The following KLK1 variants were observed in gnomAD, a reference collection of about 807,000 sequenced individuals.
KLK1 encodes kallikrein-1.
In KLK1, 22 loss-of-function variants were observed where a neutral mutation model predicts 23.3. The ratio of observed to expected loss-of-function variants is 0.95; its 90% CI spans 0.68 to 1.35. The LOEUF (loss-of-function observed/expected upper bound fraction) is 1.35. KLK1 is among the 40% of genes most tolerant of loss of function. The pLI is 0.00. For synonymous variants in KLK1, 140 were observed against 135.8 expected, an observed-to-expected ratio of 1.03 and a Z score of -0.21; for missense variants, 301 against 338.9, an observed-to-expected ratio of 0.89 and a Z score of 0.88.
Position 50,819,951 on chromosome 19 carries a change from G to T in KLK1, c.581C>A (p.Thr194Lys). 1 of 1,614,118 alleles carries T rather than the reference G, an allele frequency of 6.2e-7. No homozygotes were observed. The highest frequency in any genetic ancestry group is 8.5e-7 in the Non-Finnish European group (1 of 1,179,948). ...GTGTCCGACACACAGCATGAAGTCT[G>T]TCACCTTCTGGACGTGGGCTTTTTT... ...ECKKAHVQKV[T>K]DFMLCVGHLE... Residue 194 changes from threonine (T) to lysine (K), a missense_variant, in exon 4 of 5, where the codon ACA (threonine) becomes AAA (lysine). Transcript: ENST00000301420.
intron 2 of KLK1, 96 bp from the exon 3 acceptor site, chr19:50,820,539 G>A: frequency 5.4e-6 from 5 of 921,828 alleles, no homozygotes; most frequent in Non-Finnish European, 6.6e-6. Flanking sequence ...GAGAGAAAGG[G>A]AAAGAGAAAA....
In KLK1 at chr19:50,819,218, C is replaced by G; in HGVS notation, c.765G>C (p.Glu255Asp). The G allele has an allele frequency of 6.2e-7, 1 of 1,613,866 alleles. No homozygotes were observed. Among genetic ancestry groups the G allele is most frequent in the Non-Finnish European group, 8.5e-7 (1 of 1,179,860 alleles). The change falls in exon 5 of 5, where the codon GAG becomes GAC. Residue 255 changes from glutamate to aspartate, a missense_variant. Physicochemically the swap from Glu to Asp is conservative, Grantham distance 45. Coordinates refer to ENST00000301420, the MANE Select transcript of KLK1 (RefSeq NM_002257.4). The part of the protein sequence containing the change: ...VRVLSYVKWI[E>D]DTIAENS The stretch of plus-strand genomic sequence containing the variant: ...TTCAGGAGTTCTCCGCTATGGTGTC[C>G]TCGATCCACTTCACATAAGACAGCA...
At position 50,821,451 on chromosome 19, in the gene KLK1, G is replaced by A. The variant is rs1293681702; in HGVS notation, c.206+261C>T. Among the ~76,000 whole-genome samples the A allele has an allele frequency of 6.6e-6, 1 of 152,054 alleles. No individual in the cohort carries two copies. The highest frequency in any genetic ancestry group is 2.4e-5 in the African/African-American group (1 of 41,406). On this transcript the variant is annotated intron_variant, in intron 2 of 4. Transcript: ENST00000301420. The surrounding 1 kb of genome is among the most constrained non-coding windows in gnomAD (Gnocchi z 5.6). Reference sequence around the variant, plus strand: ...AGAGACAGGGGAGATGCAGAGACAAGGAGACAGAGGAGAGAGAGGAAGACA... The same window carrying A: ...AGAGACAGGGGAGATGCAGAGACAAAGAGACAGAGGAGAGAGAGGAAGACA...
chr19:50,823,767 GGGCCAGCAGGT>G lies in KLK1; in HGVS notation c.-30_-20del, dbSNP rs1463874238. On this transcript the variant is annotated 5_prime_UTR_variant, in exon 1 of 5. Transcript: ENST00000301420. ...ACCACATGGTGACAGAGGTGTCCAG[GGGCCAGCAGGT>G]GGAGGAACTGGGGAACCTCCCTGGG... 1 of 1,607,134 alleles carries G rather than the reference GGGCCAGCAGGT, an allele frequency of 6.2e-7. No homozygotes were observed. Among genetic ancestry groups the G allele is most frequent in the Non-Finnish European group, 8.5e-7 (1 of 1,175,136 alleles).
At chr19:50,823,011 C>T (rs1297323399) in intron 1 of KLK1, 2 of 621,080 alleles carry the variant, frequency 3.2e-6, no homozygotes, top group East Asian at 1.4e-4. Flanking sequence ...TGGAACTTCC[C>T]CAAGGAAAGG....
chr19:50,820,072 T>A lies in KLK1; in HGVS notation c.497-37A>T, dbSNP rs375440588. ...GGAGAAAAAGGGCTGCAGCCCGACCTCACCTGCTTCCCTGGCCCTTTCTCC... is the reference window on the plus strand; with the variant it reads ...GGAGAAAAAGGGCTGCAGCCCGACCACACCTGCTTCCCTGGCCCTTTCTCC... On this transcript the variant is annotated intron_variant, in intron 3 of 4. Coordinates refer to ENST00000301420, the MANE Select transcript of KLK1 (RefSeq NM_002257.4). The A allele has an allele frequency of 6.1e-5, 99 of 1,612,500 alleles. No homozygotes were observed. In the African/African-American group the frequency reaches 1.2e-3, roughly 19 times the overall value.
Position 50,819,932 on chromosome 19 carries a change from G to C in KLK1, c.600C>G (p.Val200=), listed in dbSNP as rs754921741. Reference sequence around the variant, plus strand: ...TGTCTTTGCCACCTTCCAGGTGTCCGACACACAGCATGAAGTCTGTCACCT... The same window carrying C: ...TGTCTTTGCCACCTTCCAGGTGTCCCACACACAGCATGAAGTCTGTCACCT... ...VQKVTDFMLC[V]GHLEGGKDTC... is the part of the protein sequence containing the mutation. The change falls in exon 4 of 5, where the codon GTC becomes GTG. Residue 200 remains valine (V), a synonymous_variant. Transcript: ENST00000301420. 4.3e-6 allele frequency: 7 copies of C among 1,614,058 alleles called. No individual in the cohort carries two copies. The highest frequency in any genetic ancestry group is 5.1e-6 in the Non-Finnish European group (6 of 1,180,048).
rs1163073618 is a variant in KLK1, at chr19:50,820,036, C to G, written c.497-1G>C. On this transcript the variant is annotated splice_acceptor_variant, in intron 3 of 4. Coordinates refer to ENST00000301420, the MANE Select transcript of KLK1 (RefSeq NM_002257.4). LOFTEE classifies it high-confidence loss of function. ...CACTGGAGATCATCTGGAAATGAGACTACGAACCCGGGAGAAAAAGGGCTG... is the reference window on the plus strand; with the variant it reads ...CACTGGAGATCATCTGGAAATGAGAGTACGAACCCGGGAGAAAAAGGGCTG... 2 of 1,613,954 alleles carry G rather than the reference C, an allele frequency of 1.2e-6. No homozygotes were observed. The highest frequency in any genetic ancestry group is 1.7e-6 in the Non-Finnish European group (2 of 1,180,002).
In KLK1 at chr19:50,821,622, T is replaced by C. The variant is rs974386889; in HGVS notation, c.206+90A>G. On this transcript the variant is annotated intron_variant, in intron 2 of 4. Transcript: ENST00000301420. The surrounding 1 kb of genome is among the most constrained non-coding windows in gnomAD (Gnocchi z 5.6). Reference sequence around the variant, plus strand: ...CCTCTCTGCCTCAGCCCCCCAGTCTTGCCTGAGGTTATCCAAGGGGAATGC... The same window carrying C: ...CCTCTCTGCCTCAGCCCCCCAGTCTCGCCTGAGGTTATCCAAGGGGAATGC... The C allele has an allele frequency of 3.5e-6, 5 of 1,444,790 alleles. No homozygotes were observed. The African/African-American group carries it at 7.1e-5, about 21-fold the overall frequency. The allele number at this position is 1,444,790 out of a possible 1,614,324, so 89.5% of individuals were successfully genotyped here.
At chr19:50,819,810 G>T in intron 4 of KLK1, 89 bp downstream of exon 4, 2 of 1,316,250 alleles carry the variant, frequency 1.5e-6, no homozygotes, top group Non-Finnish European at 2.1e-6. Flanking sequence ...AAGCAGTGAA[G>T]CAGATGCCTG....
chr19:50,822,913 G>C (rs1489134051), intron 1 of KLK1: 4 of 985,276 alleles, frequency 4.1e-6, no homozygotes, highest in Non-Finnish European at 4.8e-6. Flanking sequence ...GGCTGAGAAG[G>C]CATTCAGGAT....
chr19:50,821,399 A>G lies in KLK1; in HGVS notation c.206+313T>C, dbSNP rs2123389193. ...TGGAGGGTGAGACACAGTGACAGAGATGCCGCAGAGAGACTCAGAGACAGA... is the reference window on the plus strand; with the variant it reads ...TGGAGGGTGAGACACAGTGACAGAGGTGCCGCAGAGAGACTCAGAGACAGA... On this transcript the variant is annotated intron_variant, in intron 2 of 4. Coordinates refer to ENST00000301420, the MANE Select transcript of KLK1 (RefSeq NM_002257.4). The surrounding 1 kb of genome is among the most constrained non-coding windows in gnomAD (Gnocchi z 5.6). Among the ~76,000 whole-genome samples, 1 of 152,244 alleles carries G rather than the reference A, an allele frequency of 6.6e-6. No homozygotes were observed.
At position 50,823,711 on chromosome 19, in the gene KLK1, C is replaced by G. The variant is rs755798976; in HGVS notation, c.38G>C (p.Gly13Ala). ...FLVLCLALSL[G>A]GTGAAPPIQS... ...TCCCCCCACTGTCTCACCAGTCCCC[C>G]CCAGGGACAGGGCGAGGCACAGAAC... The change falls in exon 1 of 5, where the codon GGG (glycine) becomes GCG (alanine). Residue 13 changes from glycine (G) to alanine (A), a missense_variant. By Grantham distance (60) the Gly-to-Ala change is moderately conservative (BLOSUM62 0). Transcript: ENST00000301420. 6.8e-6 allele frequency: 11 copies of G among 1,608,194 alleles called. No homozygotes were observed. The East Asian group carries it at 8.9e-5, about 13-fold the overall frequency.
intron 1 of KLK1, among the ~76,000 whole-genome samples, 197 bp downstream of exon 1, chr19:50,823,506 C>T (rs1027889756): frequency 1.3e-5 from 2 of 151,740 alleles, no homozygotes; most frequent in African/African-American, 4.8e-5. Context: ...ACTATGACAA[C>T]ATGGAGGAGC....
intron 1 of KLK1, chr19:50,822,155 C>A: frequency 1.8e-6 from 2 of 1,129,904 alleles, no homozygotes; most frequent in Non-Finnish European, 2.2e-6. Context: ...CTGGAGCAGA[C>A]ACTGCATCTG....
At chr19:50,820,516 G>GC in intron 2 of KLK1, 73 bp from the exon 3 acceptor site, 35 of 483,954 alleles carry the variant, frequency 7.2e-5, no homozygotes, top group East Asian at 3.0e-4. Flanking sequence ...GAGCATGGGG[G>GC]AGGGTCCCCA....
rs779946534 is a variant in KLK1 at position 50,821,654 on chromosome 19, C to G, written c.206+58G>C. 2.0e-6 allele frequency: 3 copies of G among 1,509,334 alleles called. No individual in the cohort carries two copies. Among genetic ancestry groups the G allele is most frequent in the Non-Finnish European group, 2.7e-6 (3 of 1,125,470 alleles). 93.5% of individuals were successfully genotyped at this position (1,509,334 alleles called of 1,614,324 possible). A position where few individuals can be genotyped will look rare whatever the true frequency, so the allele number is the denominator to read the frequency against. On this transcript the variant is annotated intron_variant, in intron 2 of 4. Coordinates refer to ENST00000301420, the MANE Select transcript of KLK1 (RefSeq NM_002257.4). This position sits in a 1 kb window ranked among gnomAD's most constrained non-coding sequence, Gnocchi z 5.6. ...GGTTATCCAAGGGGAATGCCACTGG[C>G]CTGTCAATCCTGTGGCAGCATAGAT...
In KLK1 at chr19:50,820,221, G is replaced by A. The variant is rs2089816006; in HGVS notation, c.429C>T (p.Pro143=). The A allele has an allele frequency of 5.0e-6, 8 of 1,612,420 alleles. No individual in the cohort carries two copies. Among genetic ancestry groups the A allele is most frequent in the Non-Finnish European group, 6.8e-6 (8 of 1,178,686 alleles). The change falls in exon 3 of 5, where the codon CCC becomes CCT. Residue 143 remains proline (P), a synonymous_variant. Coordinates refer to ENST00000301420, the MANE Select transcript of KLK1 (RefSeq NM_002257.4). The part of the protein sequence containing the change: ...ITDAVKVVEL[P]TEEPEVGSTC... ...TGCTCCCCACTTCGGGTTCCTCGGT[G>A]GGCAACTCCACGACCTTCACAGCAT...
At position 50,820,178 on chromosome 19, in the gene KLK1, A is replaced by C. The variant is rs748493570; in HGVS notation, c.472T>G (p.Trp158Gly). 1 of 1,605,450 alleles carries C rather than the reference A, an allele frequency of 6.2e-7. No homozygotes were observed. Residue 158 changes from tryptophan to glycine, a missense_variant, in exon 3 of 5, where the codon TGG (tryptophan) becomes GGG (glycine). Physicochemically the swap from Trp to Gly is radical, Grantham distance 184 (BLOSUM62 -2). Transcript: ENST00000301420. ...CAATTCTCTGGTTCGATGCTGCCCC[A>C]GCCGGAAGCCAAACAGGTGCTCCCC... is the stretch of plus-strand genomic sequence containing the variant. ...EVGSTCLASGWGSIEPENFSF... is the reference protein window; with the variant it reads ...EVGSTCLASGGGSIEPENFSF...
Sources: allele counts gnomAD v4.1 joint callset (sites outside exome capture counted in the v4.1 genomes callset), GRCh38; gene constraint gnomAD v4.1.1; non-coding constraint Gnocchi (gnomAD v3.1); transcripts MANE v1.5; gene names NCBI Gene and HGNC (gene_info 2026-07-23, HGNC 2026-07-21).